Variants in PTPRN2 observed in about 807,000 individuals in gnomAD.
PTPRN2 encodes the protein protein tyrosine phosphatase receptor type N2, also known as receptor-type tyrosine-protein phosphatase N2.
A neutral mutation model predicts 118.8 loss-of-function variants in PTPRN2; 74 were observed. That is an observed-to-expected ratio of 0.62 (90% CI 0.52 to 0.76). The LOEUF (loss-of-function observed/expected upper bound fraction) is 0.76, where lower values mean the gene tolerates loss of function less well. PTPRN2 is among the 30% of genes least tolerant of loss of function. The pLI is 0.00. For synonymous variants in PTPRN2, 641 were observed against 608.0 expected (o/e 1.05, Z -0.80); for missense variants, 1,481 against 1,394.4 (o/e 1.06, Z -0.99).
chr7:157,717,760 C>G (rs1382468486), intron 12 of PTPRN2, among the ~76,000 whole-genome samples: 1 of 152,252 alleles, frequency 6.6e-6, no homozygotes, highest in Non-Finnish European at 1.5e-5. Flanking sequence ...GACCTGCGGG[C>G]CAGCACCTGC....
At chr7:158,310,144 C>T (rs971597911) in intron 3 of PTPRN2, among the ~76,000 whole-genome samples, 28 of 152,112 alleles carry the variant, frequency 1.8e-4, no homozygotes, top group African/African-American at 2.7e-4. Context: ...AAATTGGCAC[C>T]GGGAAGTAGC....
intron 3 of PTPRN2, among the ~76,000 whole-genome samples, chr7:158,274,219 CA>C (rs1165839760): frequency 1.1e-4 from 7 of 62,360 alleles, no homozygotes; most frequent in East Asian, 4.2e-4. Context: ...GAGCCGCAGA[CA>C]GACATGGGAG....
intron 11 of PTPRN2, 133 bp downstream of exon 11, chr7:158,081,165 G>A: frequency 1.1e-6 from 1 of 877,840 alleles, no homozygotes; most frequent in Non-Finnish European, 1.9e-6. Flanking sequence ...CGGAAACCGA[G>A]ACCTTCCTCT....
chr7:157,743,684 A>G (rs1316818511), intron 12 of PTPRN2, among the ~76,000 whole-genome samples: 1 of 151,228 alleles, frequency 6.6e-6, no homozygotes, highest in Non-Finnish European at 1.5e-5. Flanking sequence ...GGCTGGGGTA[A>G]CGATCTCCAG....
At chr7:158,313,020 G>A (rs182768433) in intron 3 of PTPRN2, among the ~76,000 whole-genome samples, 40 of 152,086 alleles carry the variant, frequency 2.6e-4, no homozygotes, top group Non-Finnish European at 4.0e-4. Flanking sequence ...GTGTGCGTGT[G>A]TGGGTATCTA....
intron 14 of PTPRN2, among the ~76,000 whole-genome samples, chr7:157,639,869 T>C (rs1182006999): frequency 1.3e-5 from 2 of 152,190 alleles, no homozygotes; most frequent in East Asian, 1.9e-4. Context: ...GCTTGAAACA[T>C]GGGCCTCATC....
At chr7:158,087,728 T>G (rs1204560971) in intron 10 of PTPRN2, among the ~76,000 whole-genome samples, 1 of 99,550 alleles carries the variant, frequency 1.0e-5, no homozygotes, top group Non-Finnish European at 2.2e-5. Flanking sequence ...CACACAAACC[T>G]TCTTCCCTTG....
intron 3 of PTPRN2, among the ~76,000 whole-genome samples, chr7:158,251,683 CG>C (rs1383820227): frequency 9.2e-6 from 1 of 108,958 alleles, no homozygotes; most frequent in African/African-American, 3.7e-5. Context: ...CTATGGTGCA[CG>C]TGTGGTGTGT....
intron 3 of PTPRN2, among the ~76,000 whole-genome samples, chr7:158,294,007 A>G (rs1800294136): frequency 6.6e-6 from 1 of 152,264 alleles, no homozygotes; most frequent in Admixed American, 6.5e-5. Context: ...ATTCTAAAAT[A>G]ATGATAAAAG....
intron 14 of PTPRN2, among the ~76,000 whole-genome samples, chr7:157,643,710 G>A (rs1006926524): frequency 2.6e-5 from 4 of 152,308 alleles, no homozygotes; most frequent in Non-Finnish European, 5.9e-5. Context: ...GCAGACACCC[G>A]CACCCACAGT....
At chr7:158,325,365 C>CTTT (rs55975155) in intron 2 of PTPRN2, among the ~76,000 whole-genome samples, 1 of 150,104 alleles carries the variant, frequency 6.7e-6, no homozygotes, top group African/African-American at 2.4e-5. Flanking sequence ...ACTTATATGT[C>CTTT]TTTTTTTTTT....
At chr7:158,165,532 T>A (rs1822884474) in intron 6 of PTPRN2, among the ~76,000 whole-genome samples, 1 of 152,250 alleles carries the variant, frequency 6.6e-6, no homozygotes, top group South Asian at 2.1e-4. Context: ...CCATAACGGC[T>A]GCATGAACAA....
At chr7:158,351,078 G>A (rs937854656) in intron 2 of PTPRN2, among the ~76,000 whole-genome samples, 1 of 152,180 alleles carries the variant, frequency 6.6e-6, no homozygotes, top group African/African-American at 2.4e-5. Flanking sequence ...ATGAAAAGCT[G>A]CTTTGGGGAA....
At position 158,015,957 on chromosome 7, in the gene PTPRN2, G is replaced by T. The variant is rs931967611; in HGVS notation, c.1723+65341C>A. Among the ~76,000 whole-genome samples, 6 of 152,170 alleles carry T rather than the reference G, an allele frequency of 3.9e-5. No individual in the cohort carries two copies. Among genetic ancestry groups the T allele is most frequent in the African/African-American group, 1.4e-4 (6 of 41,438 alleles). On this transcript the variant is annotated intron_variant, in intron 11 of 22. Coordinates refer to ENST00000389418, the MANE Select transcript of PTPRN2 (RefSeq NM_002847.5). The surrounding 1 kb of genome is among the most constrained non-coding windows in gnomAD (Gnocchi z 4.2). ...GTCTTTCCTCACACGTGGCAGGGACGGCTGTGGGGTCCCAGTGTGTCACCT... is the reference window on the plus strand; with the variant it reads ...GTCTTTCCTCACACGTGGCAGGGACTGCTGTGGGGTCCCAGTGTGTCACCT...
intron 3 of PTPRN2, among the ~76,000 whole-genome samples, chr7:158,283,512 G>A (rs577804448): frequency 8.3e-4 from 127 of 152,196 alleles, no homozygotes; most frequent in African/African-American, 2.9e-3. Flanking sequence ...TGGCCACGTC[G>A]TGGAGTCTGC....
intron 12 of PTPRN2, among the ~76,000 whole-genome samples, chr7:157,857,018 G>A (rs1408477352): frequency 6.6e-6 from 1 of 152,078 alleles, no homozygotes; most frequent in Non-Finnish European, 1.5e-5. Context: ...GAGGTGGCCA[G>A]GTTTGCAAAG....
At chr7:157,957,674 C>A (rs1219225199) in intron 11 of PTPRN2, among the ~76,000 whole-genome samples, 2 of 152,032 alleles carry the variant, frequency 1.3e-5, no homozygotes, top group Non-Finnish European at 2.9e-5. Context: ...CCTAGAAATA[C>A]GCAACCTACT....
At chr7:158,117,377 A>G (rs1470124003) in intron 9 of PTPRN2, among the ~76,000 whole-genome samples, 1 of 152,176 alleles carries the variant, frequency 6.6e-6, no homozygotes, top group African/African-American at 2.4e-5. Flanking sequence ...TAAGAAATAG[A>G]AAAAAAGATT....
intron 16 of PTPRN2, among the ~76,000 whole-genome samples, chr7:157,595,712 G>T (rs1305716481): frequency 6.6e-6 from 1 of 152,178 alleles, no homozygotes; most frequent in African/African-American, 2.4e-5. Flanking sequence ...AGGAAGCAGA[G>T]CCTGGGTTCA....
Sources: allele counts gnomAD v4.1 joint callset (sites outside exome capture counted in the v4.1 genomes callset), GRCh38; gene constraint gnomAD v4.1.1; non-coding constraint Gnocchi (gnomAD v3.1); transcripts MANE v1.5; gene names NCBI Gene and HGNC (gene_info 2026-07-23, HGNC 2026-07-21).